Variants in AIG1 observed in about 807,000 individuals in gnomAD.
AIG1 encodes the protein androgen induced 1.
A neutral mutation model predicts 31.4 loss-of-function variants in AIG1; 23 were observed. The ratio of observed to expected loss-of-function variants is 0.73; its 90% confidence interval spans 0.53 to 1.04. The LOEUF is 1.04. Among genes scored for constraint, AIG1 ranks in the 50% least tolerant of loss-of-function variants. The pLI, the probability that AIG1 is intolerant of heterozygous loss-of-function variation, is 0.00. For missense variants in AIG1, 274 were observed against 295.0 expected, an observed-to-expected ratio of 0.93 and a Z score of 0.52; for synonymous variants, 100 against 110.5, an observed-to-expected ratio of 0.90 and a Z score of 0.60.
intron 1 of AIG1, among the ~76,000 whole-genome samples, chr6:143,085,393 G>A (rs776991636): frequency 7.2e-5 from 11 of 152,128 alleles, no homozygotes; most frequent in South Asian, 2.1e-4. Context: ...TACGCTCACC[G>A]ATGTAGCAGT....
At chr6:143,190,265 G>A in intron 3 of AIG1, 2 of 985,452 alleles carry the variant, frequency 2.0e-6, no homozygotes, top group Non-Finnish European at 2.4e-6. Context: ...TTAATATCAT[G>A]GATCACAGAT....
intron 1 of AIG1, among the ~76,000 whole-genome samples, chr6:143,066,993 G>A (rs1776773616): frequency 6.6e-6 from 1 of 151,978 alleles, no homozygotes. Flanking sequence ...ATCACAGCAA[G>A]GCTCCCACTA....
rs9376724 is a variant in AIG1, at chr6:143,128,956, C to T, written c.142-7879C>T. Among the ~76,000 whole-genome samples, 449 of 152,282 alleles carry T rather than the reference C, an allele frequency of 2.9e-3. 14 individuals carry two copies. The East Asian group carries it at 0.053, about 18-fold the overall frequency. ...CCAGTGTGAGTTAAAGAAATAGTAG[C>T]ATAACCCAAACATGTCCTCTTTGTC... is the stretch of plus-strand genomic sequence containing the variant. On this transcript the variant is annotated intron_variant, in intron 1 of 5. Coordinates refer to ENST00000357847, the MANE Select transcript of AIG1 (RefSeq NM_016108.4).
Position 143,327,983 on chromosome 6 carries a change from T to TATA in AIG1, c.516-5297_516-5295dup, listed in dbSNP as rs1776749899. Among the ~76,000 whole-genome samples, 1 of 152,316 alleles carries TATA rather than the reference T, an allele frequency of 6.6e-6. No homozygotes were observed. The highest frequency in any genetic ancestry group is 2.4e-5 in the African/African-American group (1 of 41,576). On this transcript the variant is annotated intron_variant, in intron 4 of 5. Coordinates refer to ENST00000357847, the MANE Select transcript of AIG1 (RefSeq NM_016108.4). The surrounding 1 kb of genome is among the most constrained non-coding windows in gnomAD (Gnocchi z 5.3). The stretch of plus-strand genomic sequence containing the variant: ...GATATAAGTTTGTAAAATACCTGTG[T>TATA]ATAAGTAGTGAACATGATGCCATAG...
At chr6:143,205,665 C>T (rs1791053005) in intron 3 of AIG1, among the ~76,000 whole-genome samples, 1 of 152,116 alleles carries the variant, frequency 6.6e-6, no homozygotes, top group Non-Finnish European at 1.5e-5. Context: ...TCACACTTGC[C>T]CATACAACAC....
intron 1 of AIG1, among the ~76,000 whole-genome samples, chr6:143,126,006 G>A (rs973773488): frequency 2.0e-5 from 3 of 152,184 alleles, no homozygotes; most frequent in East Asian, 3.8e-4. Flanking sequence ...ACATTTGATG[G>A]TGCAGTTAGC....
chr6:143,148,487 C>T (rs758673958), intron 2 of AIG1, among the ~76,000 whole-genome samples: 12 of 151,904 alleles, frequency 7.9e-5, no homozygotes, highest in African/African-American at 2.7e-4. Context: ...CCAGGCTGGG[C>T]GATGGAGTGA....
intron 3 of AIG1, chr6:143,190,177 G>A (rs988757969): frequency 1.2e-5 from 12 of 985,220 alleles, no homozygotes; most frequent in Non-Finnish European, 1.4e-5. Flanking sequence ...GAAACATTCA[G>A]CCCATAGCAG....
rs539913163 is a variant in AIG1, at chr6:143,292,857, A to G, written c.515+8632A>G. Among the ~76,000 whole-genome samples the G allele has an allele frequency of 6.6e-6, 1 of 152,322 alleles. No individual in the cohort carries two copies. The highest frequency in any genetic ancestry group is 2.1e-4 in the South Asian group (1 of 4,822). On this transcript the variant is annotated intron_variant, in intron 4 of 5. Transcript: ENST00000357847. This position sits in a 1 kb window ranked among gnomAD's most constrained non-coding sequence, Gnocchi z 4.9. The stretch of plus-strand genomic sequence containing the variant: ...TCCAGTGGCCATTGTTGTTCTGTTT[A>G]TACGCTAGGAATACTCCATCCTAAG...
At chr6:143,180,042 C>T (rs139124377) in intron 3 of AIG1, among the ~76,000 whole-genome samples, 102 of 152,332 alleles carry the variant, frequency 6.7e-4, no homozygotes, top group Non-Finnish European at 1.1e-3. Context: ...TATCCTTCCA[C>T]CGTCTTTCTG....
chr6:143,309,097 C>T lies in AIG1; in HGVS notation c.516-24185C>T, dbSNP rs1030805230. 3.9e-5 allele frequency among the ~76,000 whole-genome samples: 6 copies of T among 151,988 alleles called. No homozygotes were observed. In the South Asian group the frequency reaches 1.3e-3, roughly 32 times the overall value. Reference sequence around the variant, plus strand: ...TTATAATATACTTCTCATCAGAAATCATGCAAGCAAGAGGGGAATGGAGTA... The same window carrying T: ...TTATAATATACTTCTCATCAGAAATTATGCAAGCAAGAGGGGAATGGAGTA... On this transcript the variant is annotated intron_variant, in intron 4 of 5. Coordinates refer to ENST00000357847, the MANE Select transcript of AIG1 (RefSeq NM_016108.4).
chr6:143,172,420 T>C (rs1351021172), intron 3 of AIG1, among the ~76,000 whole-genome samples: 1 of 152,222 alleles, frequency 6.6e-6, no homozygotes, highest in East Asian at 1.9e-4. Context: ...TAAATCCCAC[T>C]TGATCATGGT....
At chr6:143,302,376 C>T (rs1164234797) in intron 4 of AIG1, among the ~76,000 whole-genome samples, 1 of 151,592 alleles carries the variant, frequency 6.6e-6, no homozygotes, top group Non-Finnish European at 1.5e-5. Flanking sequence ...CTCCCCACTC[C>T]CCCCGACCCC....
intron 3 of AIG1, among the ~76,000 whole-genome samples, chr6:143,192,240 T>C (rs1360407372): frequency 1.3e-5 from 2 of 152,222 alleles, no homozygotes; most frequent in African/African-American, 2.4e-5. Flanking sequence ...CCGCCATGCA[T>C]GTGCTTCAAT....
chr6:143,216,883 T>C (rs949687117), intron 3 of AIG1, among the ~76,000 whole-genome samples: 36 of 152,200 alleles, frequency 2.4e-4, no homozygotes, highest in African/African-American at 8.7e-4. Flanking sequence ...AAGGAAGCTA[T>C]TAGGGCACCA....
chr6:143,133,391 A>G (rs1367361982), intron 1 of AIG1, among the ~76,000 whole-genome samples: 9 of 152,118 alleles, frequency 5.9e-5, no homozygotes. Context: ...ACTGGAATAC[A>G]TCTCTATCCT....
chr6:143,248,294 G>A (rs558661902), intron 3 of AIG1, among the ~76,000 whole-genome samples: 9 of 152,272 alleles, frequency 5.9e-5, no homozygotes, highest in South Asian at 4.1e-4. Flanking sequence ...AGGGTTTGCC[G>A]CTGTTTGCAT....
chr6:143,274,795 C>A (rs968695960), intron 3 of AIG1, among the ~76,000 whole-genome samples: 9 of 152,208 alleles, frequency 5.9e-5, no homozygotes, highest in African/African-American at 1.9e-4. Flanking sequence ...GAGTTCTACA[C>A]TACCTTTGAC....
At position 143,339,780 on chromosome 6, in the gene AIG1, A is replaced by G. The variant is rs528644579; in HGVS notation, c.*104A>G. Reference sequence around the variant, plus strand: ...AAAGGCTTCAAAGGAACTTGGTGGCATCAGCACCCCCCTCCCCCAATGAGG... The same window carrying G: ...AAAGGCTTCAAAGGAACTTGGTGGCGTCAGCACCCCCCTCCCCCAATGAGG... On this transcript the variant is annotated 3_prime_UTR_variant, in exon 6 of 6. Coordinates refer to ENST00000357847, the MANE Select transcript of AIG1 (RefSeq NM_016108.4). 2.6e-6 allele frequency: 3 copies of G among 1,168,542 alleles called. No homozygotes were observed. In the Admixed American group the frequency reaches 6.1e-5, roughly 24 times the overall value. The allele number at this position is 1,168,542 out of a possible 1,614,324, so 72.4% of individuals were successfully genotyped here.
Sources: gnomAD v4.1 joint callset for allele counts (sites outside exome capture counted in the v4.1 genomes callset) on GRCh38, gnomAD v4.1.1 for gene constraint, Gnocchi (gnomAD v3.1) non-coding constraint, MANE v1.5 for transcripts, NCBI Gene and HGNC (gene_info 2026-07-23, HGNC 2026-07-21) for gene names.